Variants in PSMC1 observed in about 807,000 individuals in gnomAD.
PSMC1 encodes 26S proteasome regulatory subunit 4.
A neutral mutation model predicts 49.8 loss-of-function variants in PSMC1; 5 were observed. That is an observed-to-expected ratio of 0.10 (90% CI 0.05 to 0.21). The LOEUF is 0.21. PSMC1 is among the 10% of genes least tolerant of loss of function. PSMC1 has a pLI of 1.00. For missense variants in PSMC1, 181 were observed against 535.7 expected (o/e 0.34, Z 6.54); for synonymous variants, 155 against 192.1 (o/e 0.81, Z 1.60).
At chr14:90,258,441 A>G (rs1344969103) in intron 1 of PSMC1, among the ~76,000 whole-genome samples, 1 of 152,218 alleles carries the variant, frequency 6.6e-6, no homozygotes, top group African/African-American at 2.4e-5. Flanking sequence ...CCTTCTAATC[A>G]GTAAGTTCAC....
intron 7 of PSMC1, among the ~76,000 whole-genome samples, chr14:90,267,130 TTTC>T (rs1891536942): frequency 6.6e-6 from 1 of 150,654 alleles, no homozygotes; most frequent in Non-Finnish European, 1.5e-5. Context: ...TTGTTTTTCT[TTTC>T]TTTTTTTTTT....
rs35151204 is a variant in PSMC1 at position 90,265,688 on chromosome 14, CAAA to C, written c.691+539_691+541del. 6.6e-3 allele frequency among the ~76,000 whole-genome samples: 621 copies of C among 94,090 alleles called. 23 individuals carry two copies. Among genetic ancestry groups the C allele is most frequent in the Admixed American group, 0.056 (538 of 9,564 alleles). 61.7% of individuals were successfully genotyped at this position (94,090 alleles called of 152,430 possible). On this transcript the variant is annotated intron_variant, in intron 7 of 10. Coordinates refer to ENST00000261303, the MANE Select transcript of PSMC1 (RefSeq NM_002802.3). ...TGGGTGACAGAGCGAGACTACATCTCAAAAAAAAAAAAAAAAAAAGATTAGGTG... is the reference window on the plus strand; with the variant it reads ...TGGGTGACAGAGCGAGACTACATCTCAAAAAAAAAAAAAAAAGATTAGGTG...
At chr14:90,259,442 A>G (rs1371810340) in intron 2 of PSMC1, among the ~76,000 whole-genome samples, 1 of 152,240 alleles carries the variant, frequency 6.6e-6, no homozygotes, top group East Asian at 1.9e-4. Flanking sequence ...TGTAAAAGCA[A>G]TGACATTATA....
chr14:90,270,682 A>C, intron 10 of PSMC1: 1 of 202,194 alleles, frequency 4.9e-6, no homozygotes, highest in Non-Finnish European at 9.9e-6. Flanking sequence ...TCCTGGGAGA[A>C]CTCTCCCCAG....
rs1398554255 is a variant in PSMC1 at position 90,262,983 on chromosome 14, CTT to C, written c.155-331_155-330del. Among the ~76,000 whole-genome samples the C allele has an allele frequency of 1.5e-4, 23 of 152,254 alleles. No individual in the cohort carries two copies. In the South Asian group the frequency reaches 4.8e-3, roughly 32 times the overall value. ...TATACTGCCTGAGCAACATATGTAA[CTT>C]TTTATTAGTACCTATGGGAAAAAAT... On this transcript the variant is annotated intron_variant, in intron 3 of 10. Transcript: ENST00000261303.
intron 1 of PSMC1, among the ~76,000 whole-genome samples, chr14:90,257,348 G>A (rs951614453): frequency 7.9e-5 from 12 of 152,124 alleles, no homozygotes; most frequent in African/African-American, 2.9e-4. Context: ...GTCAGGGGTG[G>A]GGTGGTCATT....
rs1891780929 is a variant in PSMC1 at position 90,275,344 on chromosome 14, G to A, written c.*2937G>A. The stretch of plus-strand genomic sequence containing the variant: ...GGCGGGTAGCAGACTCTCAGCAACT[G>A]ACTCACACGGTTCAGGAAACAAAAT... On this transcript the variant is annotated 3_prime_UTR_variant, in exon 11 of 11. Transcript: ENST00000261303. 6.6e-6 allele frequency: 1 copy of A among 152,072 alleles called. No individual in the cohort carries two copies. Among genetic ancestry groups the A allele is most frequent in the South Asian group, 2.1e-4 (1 of 4,814 alleles). 9.4% of individuals were successfully genotyped at this position (152,072 alleles called of 1,614,324 possible).
chr14:90,270,445 A>G, intron 10 of PSMC1, 93 bp downstream of exon 10: 1 of 1,373,414 alleles, frequency 7.3e-7, no homozygotes, highest in Non-Finnish European at 9.8e-7. Context: ...GTTGGCCTGG[A>G]CAGGTGGGTG....
At position 90,269,650 on chromosome 14, in the gene PSMC1, A is replaced by G. The variant is rs189922906; in HGVS notation, c.1033+102A>G. ...TAAAATGATACATAAAAAAGCAAATACTGCAGTGAAACTTAGGATAATTTA... is the reference window on the plus strand; with the variant it reads ...TAAAATGATACATAAAAAAGCAAATGCTGCAGTGAAACTTAGGATAATTTA... On this transcript the variant is annotated intron_variant, in intron 9 of 10. Transcript: ENST00000261303. The G allele has an allele frequency of 2.2e-5, 29 of 1,301,268 alleles. No homozygotes were observed. In the African/African-American group the frequency reaches 3.9e-4, roughly 17 times the overall value. The allele number at this position is 1,301,268 out of a possible 1,614,324, so 80.6% of individuals were successfully genotyped here. A position where few individuals can be genotyped will look rare whatever the true frequency, so the allele number is the denominator to read the frequency against.
chr14:90,264,188 C>T lies in PSMC1; in HGVS notation c.594+19C>T, dbSNP rs770178084. On this transcript the variant is annotated intron_variant, in intron 6 of 10. Transcript: ENST00000261303. ...AATTAAGGTATGATTGATTGGTAAC[C>T]ATCTCTGGGTTTCAGTTTTGGTTTC... 1.2e-6 allele frequency: 2 copies of T among 1,611,052 alleles called. No homozygotes were observed. The highest frequency in any genetic ancestry group is 2.2e-5 in the East Asian group (1 of 44,854).
At chr14:90,270,978 T>C (rs1052044503) in intron 10 of PSMC1, 16 of 152,218 alleles carry the variant, frequency 1.1e-4, no homozygotes, top group Admixed American at 6.5e-4. Flanking sequence ...CCACGGATCA[T>C]TGGCAGTTAG....
At chr14:90,268,121 C>G in intron 7 of PSMC1, 103 bp from the exon 8 acceptor site, 1 of 911,510 alleles carries the variant, frequency 1.1e-6, no homozygotes, top group Non-Finnish European at 1.6e-6. Context: ...CATGAGGGCC[C>G]GCCTGTTTTT....
chr14:90,264,531 G>C (rs1040027393), intron 6 of PSMC1, among the ~76,000 whole-genome samples: 4 of 152,210 alleles, frequency 2.6e-5, no homozygotes, highest in African/African-American at 9.6e-5. Flanking sequence ...GACAGCAGTG[G>C]GGTTGGAGCA....
Position 90,274,545 on chromosome 14 carries a change from A to ATTAT in PSMC1, c.*2138_*2139insTTAT, listed in dbSNP as rs1455551097. ...CTAGACCCAGACCTTTGCTGCTAAA[A>ATTAT]GTATTATTCTCCACTAAAAGGAGTG... On this transcript the variant is annotated 3_prime_UTR_variant, in exon 11 of 11. Transcript: ENST00000261303. 3 of 125,988 alleles carry ATTAT rather than the reference A, an allele frequency of 2.4e-5. No homozygotes were observed. Among genetic ancestry groups the ATTAT allele is most frequent in the Admixed American group, 1.6e-4 (2 of 12,650 alleles). The allele number at this position is 125,988 out of a possible 1,614,324, so 7.8% of individuals were successfully genotyped here.
At chr14:90,260,861 G>C (rs762598898) in intron 3 of PSMC1, among the ~76,000 whole-genome samples, 6 of 152,210 alleles carry the variant, frequency 3.9e-5, no homozygotes, top group Non-Finnish European at 8.8e-5. Context: ...CTGCACTGTA[G>C]CCTGGATGAC....
rs1491397403 is a variant in PSMC1 at position 90,274,838 on chromosome 14, A to ACG, written c.*2432_*2433insGC. On this transcript the variant is annotated 3_prime_UTR_variant, in exon 11 of 11. Transcript: ENST00000261303. ...CACACACACACACACACACACACAC[A>ACG]CCCCAATACATATGAATTGATCTGA... 2 of 67,186 alleles carry ACG rather than the reference A, an allele frequency of 3.0e-5. No individual in the cohort carries two copies. Among genetic ancestry groups the ACG allele is most frequent in the Non-Finnish European group, 6.4e-5 (2 of 31,320 alleles). The allele number at this position is 67,186 out of a possible 1,614,324, so 4.2% of individuals were successfully genotyped here.
Position 90,272,274 on chromosome 14 carries a change from C to T in PSMC1, c.1190C>T (p.Ala397Val). 6.2e-7 allele frequency: 1 copy of T among 1,601,908 alleles called. No individual in the cohort carries two copies. Among genetic ancestry groups the T allele is most frequent in the Non-Finnish European group, 8.5e-7 (1 of 1,177,622 alleles). The stretch of plus-strand genomic sequence containing the variant: ...TGAACACACTCTTCTTTCTTACAGG[C>T]AATCTGTACAGAAGCTGGTCTGATG... ...KDDLSGADIKAICTEAGLMAL... is the reference protein window; with the variant it reads ...KDDLSGADIKVICTEAGLMAL... The change falls in exon 11 of 11, where the codon GCA becomes GTA. Residue 397 changes from alanine (A) to valine (V), a missense_variant and splice_region_variant. Physicochemically the swap from Ala to Val is moderately conservative, Grantham distance 64 (BLOSUM62 0). Transcript: ENST00000261303. This position sits in a 1 kb window ranked among gnomAD's most constrained non-coding sequence, Gnocchi z 4.5.
At chr14:90,270,073 C>T in intron 9 of PSMC1, 125 bp from the exon 10 acceptor site, 1 of 978,822 alleles carries the variant, frequency 1.0e-6, no homozygotes, top group Admixed American at 2.7e-5. Context: ...AAAATTTAGA[C>T]ATCCTTCCCA....
intron 9 of PSMC1, chr14:90,269,951 A>G (rs1891619069): frequency 2.1e-6 from 1 of 479,468 alleles, no homozygotes. Flanking sequence ...TTCACTCAGG[A>G]ATTGCTCCTT....
Sources: gnomAD v4.1 joint callset for allele counts (sites outside exome capture counted in the v4.1 genomes callset) on GRCh38, gnomAD v4.1.1 for gene constraint, Gnocchi (gnomAD v3.1) non-coding constraint, MANE v1.5 for transcripts, NCBI Gene and HGNC (gene_info 2026-07-23, HGNC 2026-07-21) for gene names.